Variants in PDE6D observed in about 807,000 individuals in gnomAD.
PDE6D encodes the protein phosphodiesterase 6D, also known as retinal rod rhodopsin-sensitive cGMP 3',5'-cyclic phosphodiesterase subunit delta.
In PDE6D, 10 loss-of-function variants were observed where a neutral mutation model predicts 21.9. The observed-to-expected ratio is 0.46, with a 90% CI of 0.28 to 0.78. The LOEUF (loss-of-function observed/expected upper bound fraction) is 0.78, where lower values mean the gene tolerates loss of function less well. PDE6D is among the 30% of genes least tolerant of loss of function. PDE6D has a pLI of 0.12. For synonymous variants in PDE6D, 59 were observed against 63.5 expected (o/e 0.93, Z 0.34); for missense variants, 139 against 184.8 (o/e 0.75, Z 1.44).
intron 1 of PDE6D, chr2:231,768,752 T>C (rs1354921961): frequency 6.6e-6 from 1 of 152,218 alleles, no homozygotes; most frequent in Non-Finnish European, 1.5e-5. Flanking sequence ...TCACCCTTTC[T>C]CTGAGTTTCC....
At chr2:231,769,511 C>T (rs2048998415) in intron 1 of PDE6D, among the ~76,000 whole-genome samples, 1 of 148,258 alleles carries the variant, frequency 6.7e-6, no homozygotes, top group African/African-American at 2.5e-5. Flanking sequence ...CTACAATTTG[C>T]TCTCTCTCTC....
At chr2:231,746,464 C>T (rs1162425689) in intron 1 of PDE6D, among the ~76,000 whole-genome samples, 4 of 152,238 alleles carry the variant, frequency 2.6e-5, no homozygotes, top group South Asian at 2.1e-4. Context: ...TTTACATGTG[C>T]TCCAAGATAA....
intron 1 of PDE6D, among the ~76,000 whole-genome samples, chr2:231,775,221 T>A (rs894754424): frequency 3.3e-5 from 5 of 151,980 alleles, no homozygotes; most frequent in Non-Finnish European, 7.4e-5. Context: ...GCCTAATTTT[T>A]AATTTTATTT....
At position 231,738,092 on chromosome 2, in the gene PDE6D, T is replaced by C; in HGVS notation, c.186A>G (p.Glu62=). The change falls in exon 3 of 5, where the codon GAA becomes GAG. Residue 62 remains glutamate, a synonymous_variant. Coordinates refer to ENST00000287600, the MANE Select transcript of PDE6D (RefSeq NM_002601.4). ...KILKCKAVSR[E]LNFSSTEQME... ...TTTGTTCTGTCGAAGAAAAATTAAG[T>C]TCTCGAGACACTGCCTTGCACTTGA... is the stretch of plus-strand genomic sequence containing the variant. 1.2e-6 allele frequency: 2 copies of C among 1,614,022 alleles called. No homozygotes were observed. Among genetic ancestry groups the C allele is most frequent in the Non-Finnish European group, 1.7e-6 (2 of 1,179,880 alleles).
At chr2:231,757,898 G>A (rs1028597790) in intron 1 of PDE6D, among the ~76,000 whole-genome samples, 1 of 151,586 alleles carries the variant, frequency 6.6e-6, no homozygotes, top group Non-Finnish European at 1.5e-5. Context: ...TGCTTGCTTC[G>A]GCAGCACATA....
intron 1 of PDE6D, among the ~76,000 whole-genome samples, chr2:231,762,044 C>T (rs2048934352): frequency 6.6e-6 from 1 of 152,142 alleles, no homozygotes; most frequent in South Asian, 2.1e-4. Context: ...ATGGAAATGG[C>T]CCTTTTGCCC....
intron 1 of PDE6D, among the ~76,000 whole-genome samples, chr2:231,750,512 T>C (rs1022476736): frequency 8.2e-5 from 12 of 146,974 alleles, no homozygotes; most frequent in African/African-American, 3.0e-4. Context: ...AGACAGAGTC[T>C]CACTCACTCT....
intron 1 of PDE6D, among the ~76,000 whole-genome samples, chr2:231,760,251 G>A (rs952384071): frequency 2.0e-5 from 3 of 152,086 alleles, no homozygotes; most frequent in East Asian, 1.9e-4. Context: ...GTTACACATC[G>A]CTTAGGTATA....
At chr2:231,743,442 A>G (rs569327189) in intron 1 of PDE6D, among the ~76,000 whole-genome samples, 2,414 of 151,972 alleles carry the variant, frequency 0.016, 44 homozygotes, top group Non-Finnish European at 0.025. Context: ...AAAAAAAAAA[A>G]AAAAAAAGAA....
chr2:231,773,083 A>T (rs1188929490), intron 1 of PDE6D, among the ~76,000 whole-genome samples: 1 of 152,076 alleles, frequency 6.6e-6, no homozygotes, highest in Non-Finnish European at 1.5e-5. Context: ...ACAAAGAAAA[A>T]ATACGAAAAT....
In PDE6D at chr2:231,768,955, G is replaced by A. The variant is rs567629099; in HGVS notation, c.50+12110C>T. ...ACGATCTCACCTCACTGCAACCTCC[G>A]CCTCCTGGGTTTAAGCGATTCTCCT... On this transcript the variant is annotated intron_variant, in intron 1 of 4. Coordinates refer to ENST00000287600, the MANE Select transcript of PDE6D (RefSeq NM_002601.4). 1.3e-3 allele frequency among the ~76,000 whole-genome samples: 196 copies of A among 151,868 alleles called. 1 individual carries two copies. The highest frequency in any genetic ancestry group is 2.0e-3 in the Non-Finnish European group (138 of 67,932).
At chr2:231,736,101 G>A (rs1194358941) in intron 4 of PDE6D, among the ~76,000 whole-genome samples, 3 of 151,720 alleles carry the variant, frequency 2.0e-5, no homozygotes, top group African/African-American at 7.3e-5. Context: ...CTACTTAGGA[G>A]GCTGAGCTAG....
intron 4 of PDE6D, among the ~76,000 whole-genome samples, chr2:231,736,191 C>A (rs894928752): frequency 6.6e-6 from 1 of 152,056 alleles, no homozygotes; most frequent in African/African-American, 2.4e-5. Context: ...ATAAAATAAA[C>A]AAAACCCAAA....
intron 1 of PDE6D, among the ~76,000 whole-genome samples, chr2:231,768,942 C>T (rs2106284127): frequency 1.3e-5 from 2 of 152,292 alleles, no homozygotes; most frequent in African/African-American, 4.8e-5. Context: ...GATCTCACCT[C>T]ACTGCAACCT....
At chr2:231,780,187 G>A (rs540461602) in intron 1 of PDE6D, among the ~76,000 whole-genome samples, 133 of 152,238 alleles carry the variant, frequency 8.7e-4, no homozygotes, top group African/African-American at 3.0e-3. Flanking sequence ...CAACAGGCCC[G>A]AGGCAATGAT....
At chr2:231,766,478 G>A (rs1305280935) in intron 1 of PDE6D, among the ~76,000 whole-genome samples, 3 of 152,076 alleles carry the variant, frequency 2.0e-5, no homozygotes, top group African/African-American at 7.2e-5. Flanking sequence ...ACTTTTATTT[G>A]CTTCCCAGCA....
intron 1 of PDE6D, among the ~76,000 whole-genome samples, chr2:231,769,916 A>G (rs2049001843): frequency 6.6e-6 from 1 of 152,244 alleles, no homozygotes; most frequent in Non-Finnish European, 1.5e-5. Context: ...AGCTACCCAC[A>G]ATATACTTTC....
chr2:231,735,241 CAA>C (rs201484196), intron 4 of PDE6D, among the ~76,000 whole-genome samples: 27,882 of 86,350 alleles, frequency 0.32, 3,203 homozygotes, highest in Non-Finnish European at 0.37. Context: ...GACTCCATAT[CAA>C]AAAAAAAAAA....
intron 1 of PDE6D, among the ~76,000 whole-genome samples, chr2:231,740,280 G>A (rs1269907723): frequency 6.6e-6 from 1 of 151,922 alleles, no homozygotes; most frequent in Non-Finnish European, 1.5e-5. Flanking sequence ...AATATTCAGA[G>A]AACAAAAAAG....
Sources: gnomAD v4.1 joint callset for allele counts (sites outside exome capture counted in the v4.1 genomes callset) on GRCh38, gnomAD v4.1.1 for gene constraint, MANE v1.5 for transcripts, NCBI Gene and HGNC (gene_info 2026-07-23, HGNC 2026-07-21) for gene names.